The following NES variants were observed in gnomAD, a reference collection of about 807,000 sequenced individuals.
NES encodes the protein nestin.
A neutral mutation model predicts 35.6 loss-of-function variants in NES; 27 were observed. The ratio of observed to expected loss-of-function variants is 0.76; its 90% CI spans 0.56 to 1.04. NES has a LOEUF of 1.04. NES is among the 50% of genes least tolerant of loss of function. The pLI is 0.00. For synonymous variants in NES, 822 were observed against 824.2 expected (o/e 1.00, Z 0.04); for missense variants, 1,867 against 1,983.6 (o/e 0.94, Z 1.12).
Position 156,675,305 on chromosome 1 carries a change from G to T in NES, c.819C>A (p.Gly273=). Residue 273 remains glycine (G), a synonymous_variant, in exon 2 of 4, where the codon GGC becomes GGA. Coordinates refer to ENST00000368223, the MANE Select transcript of NES (RefSeq NM_006617.2). ...AVEALEQEKQ[G]LQSQIAQVLE... Reference sequence around the variant, plus strand: ...GGACCTGAGCGATCTGGCTCTGTAGGCCCTGTTTCTCCTGCTCCAGGGCCT... The same window carrying T: ...GGACCTGAGCGATCTGGCTCTGTAGTCCCTGTTTCTCCTGCTCCAGGGCCT... The T allele has an allele frequency of 6.2e-7, 1 of 1,613,068 alleles. No homozygotes were observed. The highest frequency in any genetic ancestry group is 8.5e-7 in the Non-Finnish European group (1 of 1,179,586).
At position 156,670,424 on chromosome 1, in the gene NES, G is replaced by A. The variant is rs1679691509; in HGVS notation, c.3764C>T (p.Ala1255Val). The A allele has an allele frequency of 3.2e-6, 5 of 1,566,122 alleles. No homozygotes were observed. The highest frequency in any genetic ancestry group is 4.3e-6 in the Non-Finnish European group (5 of 1,156,656). ...CTGCTCGCTCTCTACTTTCCCCAGG[G>A]CTTCAGCCCTCCCCTGCACCCCCCA... ...ASWGVQGRAE[A>V]LGKVESEQEE... Residue 1255 changes from alanine to valine, a missense_variant, in exon 4 of 4, where the codon GCC (alanine) becomes GTC (valine). Transcript: ENST00000368223.
At chr1:156,675,540 C>T (rs982023009) in intron 1 of NES, among the ~76,000 whole-genome samples, 200 bp from the exon 2 acceptor site, 2 of 152,198 alleles carry the variant, frequency 1.3e-5, no homozygotes, top group African/African-American at 4.8e-5. Flanking sequence ...CCCAGGGCCC[C>T]TGTCAGCACT....
chr1:156,676,689 G>A lies in NES; in HGVS notation c.576C>T (p.Gly192=). 3 of 1,488,094 alleles carry A rather than the reference G, an allele frequency of 2.0e-6. No individual in the cohort carries two copies. Among genetic ancestry groups the A allele is most frequent in the Non-Finnish European group, 2.7e-6 (3 of 1,131,372 alleles). The allele number at this position is 1,488,094 out of a possible 1,614,324, so 92.2% of individuals were successfully genotyped here. ...LGEAWRGAVR[G]YQERVAHMET... is the part of the protein sequence containing the mutation. Reference sequence around the variant, plus strand: ...CCATGTGTGCCACGCGCTCCTGGTAGCCGCGCACTGCCCCGCGCCACGCCT... The same window carrying A: ...CCATGTGTGCCACGCGCTCCTGGTAACCGCGCACTGCCCCGCGCCACGCCT... The change falls in exon 1 of 4, where the codon GGC becomes GGT. Residue 192 remains glycine, a synonymous_variant. Coordinates refer to ENST00000368223, the MANE Select transcript of NES (RefSeq NM_006617.2). This position sits in a 1 kb window ranked among gnomAD's most constrained non-coding sequence, Gnocchi z 5.3.
In NES at chr1:156,670,889, C is replaced by T. The variant is rs750150865; in HGVS notation, c.3299G>A (p.Gly1100Asp). 2.5e-5 allele frequency: 35 copies of T among 1,376,158 alleles called. No individual in the cohort carries two copies. The highest frequency in any genetic ancestry group is 3.3e-5 in the Non-Finnish European group (33 of 985,364). 85.2% of individuals were successfully genotyped at this position (1,376,158 alleles called of 1,614,324 possible). ...CAGCCCTCCCACCCCCTGCCCCGGGCCTGGCTCAGCTCCCGCAGCAGACTC... is the reference window on the plus strand; with the variant it reads ...CAGCCCTCCCACCCCCTGCCCCGGGTCTGGCTCAGCTCCCGCAGCAGACTC... ...MGESAAGAEP[G>D]PGQGVGGLGD... The change falls in exon 4 of 4, where the codon GGC becomes GAC. Residue 1100 changes from glycine (G) to aspartate (D), a missense_variant. Gly to Asp is a moderately conservative substitution (Grantham distance 94, BLOSUM62 -1). Transcript: ENST00000368223.
In NES at chr1:156,676,788, G is replaced by A. The variant is rs1394715434; in HGVS notation, c.477C>T (p.Pro159=). Residue 159 remains proline, a synonymous_variant, in exon 1 of 4, where the codon CCC becomes CCT. Transcript: ENST00000368223. This position sits in a 1 kb window ranked among gnomAD's most constrained non-coding sequence, Gnocchi z 5.3. ...VGLNAQAACA[P]RCPAPPRGPP... Reference sequence around the variant, plus strand: ...GCCCGCGGGGCGGCGCGGGGCAGCGGGGGGCACAGGCAGCCTGCGCGTTCA... The same window carrying A: ...GCCCGCGGGGCGGCGCGGGGCAGCGAGGGGCACAGGCAGCCTGCGCGTTCA... 3 of 1,392,566 alleles carry A rather than the reference G, an allele frequency of 2.2e-6. No homozygotes were observed. Among genetic ancestry groups the A allele is most frequent in the South Asian group, 1.6e-5 (1 of 60,842 alleles). 86.3% of individuals were successfully genotyped at this position (1,392,566 alleles called of 1,614,324 possible).
At position 156,669,685 on chromosome 1, in the gene NES, C is replaced by T. The variant is rs1679657575; in HGVS notation, c.4503G>A (p.Glu1501=). 1.9e-6 allele frequency: 3 copies of T among 1,614,062 alleles called. No individual in the cohort carries two copies. The highest frequency in any genetic ancestry group is 1.7e-6 in the Non-Finnish European group (2 of 1,179,942). Residue 1501 remains glutamate, a synonymous_variant, in exon 4 of 4, where the codon GAG becomes GAA. Transcript: ENST00000368223. ...DSAEPSGSEE[E]SDPVSLERED... ...CCCTCTCCAAGGAAACAGGGTCAGA[C>T]TCTTCCTCTGAGCCAGAAGGCTCAG... is the stretch of plus-strand genomic sequence containing the variant.
chr1:156,670,106 C>T lies in NES; in HGVS notation c.4082G>A (p.Arg1361His), dbSNP rs780998576. 2.5e-5 allele frequency: 40 copies of T among 1,613,896 alleles called. No individual in the cohort carries two copies. Among genetic ancestry groups the T allele is most frequent in the African/African-American group, 5.3e-5 (4 of 74,904 alleles). ...AAATTCTTCTGACAGGTCAGAGTCA[C>T]GGCCACACTCCTCTTCTCCCTCCTC... ...EGEEGEEECG[R>H]DSDLSEEFED... Residue 1361 changes from arginine to histidine, a missense_variant, in exon 4 of 4, where the codon CGT (arginine) becomes CAT (histidine). By Grantham distance (29) the Arg-to-His change is conservative. Coordinates refer to ENST00000368223, the MANE Select transcript of NES (RefSeq NM_006617.2).
Position 156,671,012 on chromosome 1 carries a change from A to C in NES, c.3176T>G (p.Leu1059Arg), listed in dbSNP as rs766201389. Residue 1059 changes from leucine (L) to arginine (R), a missense_variant, in exon 4 of 4, where the codon CTG (leucine) becomes CGG (arginine). Physicochemically the swap from Leu to Arg is moderately radical, Grantham distance 102 (BLOSUM62 -2). Coordinates refer to ENST00000368223, the MANE Select transcript of NES (RefSeq NM_006617.2). ...CACCAGGGGCTCTATCGCCTCTGGCAGCCCCTGGGGAGCCTGGAGGCCTGG... is the reference window on the plus strand; with the variant it reads ...CACCAGGGGCTCTATCGCCTCTGGCCGCCCCTGGGGAGCCTGGAGGCCTGG... ...GAPGLQAPQG[L>R]PEAIEPLVED... is the part of the protein sequence containing the mutation. 6.2e-7 allele frequency: 1 copy of C among 1,612,072 alleles called. No homozygotes were observed. The highest frequency in any genetic ancestry group is 1.1e-5 in the South Asian group (1 of 90,984).
Position 156,671,616 on chromosome 1 carries a change from CCT to C in NES, c.2570_2571del (p.Gln857ArgfsTer118), listed in dbSNP as rs1370054122. The C allele has an allele frequency of 2.5e-6, 4 of 1,613,856 alleles. No homozygotes were observed. The highest frequency in any genetic ancestry group is 3.4e-6 in the Non-Finnish European group (4 of 1,180,040). On this transcript the variant is annotated frameshift_variant, in exon 4 of 4. Transcript: ENST00000368223. LOFTEE classifies it low-confidence loss of function (END_TRUNC). Reference sequence around the variant, plus strand: ...TCCTTTTCTAGAGGATTCATTGCCCCCTGATTTATTTCTTCTGGAGTCCACAG... The same window carrying C: ...TCCTTTTCTAGAGGATTCATTGCCCCGATTTATTTCTTCTGGAGTCCACAG... The part of the protein sequence containing the change: ...APLWTPEEIN[Q>X]GAMNPLEKEI...
rs1679652817 is a variant in NES at position 156,669,501 on chromosome 1, C to G, written c.4687G>C (p.Val1563Leu). 3.7e-6 allele frequency: 6 copies of G among 1,612,846 alleles called. No individual in the cohort carries two copies. The highest frequency in any genetic ancestry group is 5.1e-6 in the Non-Finnish European group (6 of 1,179,210). The change falls in exon 4 of 4, where the codon GTG (valine) becomes CTG (leucine). Residue 1563 changes from valine (V) to leucine (L), a missense_variant. Physicochemically the swap from Val to Leu is conservative, Grantham distance 32. Transcript: ENST00000368223. ...GAGACTAGCGGCATTCCTTGCCCCA[C>G]TTCCTCAGACTGCTCCAGCCCGTTC... Reference protein sequence around the residue: ...VMNGLEQSEEVGQGMPLVSEG... With the variant: ...VMNGLEQSEELGQGMPLVSEG...
rs375556145 is a variant in NES, at chr1:156,670,797, C to T, written c.3391G>A (p.Ala1131Thr). The T allele has an allele frequency of 1.4e-5, 22 of 1,614,000 alleles. No individual in the cohort carries two copies. The African/African-American group carries it at 2.5e-4, about 19-fold the overall frequency. ...EPPLEEESLEAKRVQGLEGPR... is the reference protein window; with the variant it reads ...EPPLEEESLETKRVQGLEGPR... ...CCTTCCAAGCCCTGAACCCTCTTTGCCTCCAAACTCTCCTCTTCCAGGGGT... is the reference window on the plus strand; with the variant it reads ...CCTTCCAAGCCCTGAACCCTCTTTGTCTCCAAACTCTCCTCTTCCAGGGGT... The change falls in exon 4 of 4, where the codon GCA (alanine) becomes ACA (threonine). Residue 1131 changes from alanine to threonine, a missense_variant. By Grantham distance (58) the Ala-to-Thr change is moderately conservative. Transcript: ENST00000368223.
chr1:156,669,571 A>G lies in NES; in HGVS notation c.4617T>C (p.Gly1539=). 6.2e-7 allele frequency: 1 copy of G among 1,613,664 alleles called. No individual in the cohort carries two copies. Among genetic ancestry groups the G allele is most frequent in the Non-Finnish European group, 8.5e-7 (1 of 1,179,756 alleles). Residue 1539 remains glycine, a synonymous_variant, in exon 4 of 4, where the codon GGT becomes GGC. Transcript: ENST00000368223. ...GCTGTGACTTCCCCTCCAAGTTGGG[A>G]CCCTGGCCATTAACACCAATGATGT... ...GADIIGVNGQ[G]PNLEGKSQHV...
In NES at chr1:156,669,639, G is replaced by A. The variant is rs1335973592; in HGVS notation, c.4549C>T (p.Leu1517=). Residue 1517 remains leucine (L), a synonymous_variant, in exon 4 of 4, where the codon CTA becomes TTA. Transcript: ENST00000368223. ...TCCTCCATCCCACTGGGGATCTCTAGAGGGCCAGGGACTTTGTCCTCCCTC... is the reference window on the plus strand; with the variant it reads ...TCCTCCATCCCACTGGGGATCTCTAAAGGGCCAGGGACTTTGTCCTCCCTC... The part of the protein sequence containing the change: ...LEREDKVPGP[L]EIPSGMEDAG... 1.7e-5 allele frequency: 28 copies of A among 1,613,982 alleles called. No homozygotes were observed. Among genetic ancestry groups the A allele is most frequent in the Non-Finnish European group, 2.2e-5 (26 of 1,180,002 alleles).
chr1:156,675,487 T>A, intron 1 of NES, 147 bp from the exon 2 acceptor site: 1 of 921,130 alleles, frequency 1.1e-6, no homozygotes, highest in South Asian at 1.9e-5. Context: ...TCCCCTACCC[T>A]ATTCCCTGCC....
chr1:156,675,222 G>C lies in NES; in HGVS notation c.902C>G (p.Thr301Arg), dbSNP rs144117214. ...GACAGGGCTCGTCTCGTACCTGTAC[G>C]TGGCCACCTCCAGGCTGAGGGACAT... ...LKMSLSLEVA[T>R]YRTLLEAENS... Residue 301 changes from threonine to arginine, a missense_variant, in exon 2 of 4, where the codon ACG becomes AGG. Thr to Arg is a moderately conservative substitution (Grantham distance 71, BLOSUM62 -1). Coordinates refer to ENST00000368223, the MANE Select transcript of NES (RefSeq NM_006617.2). The C allele has an allele frequency of 1.2e-6, 2 of 1,613,318 alleles. No individual in the cohort carries two copies. Among genetic ancestry groups the C allele is most frequent in the East Asian group, 2.2e-5 (1 of 44,864 alleles).
rs78303930 is a variant in NES at position 156,670,593 on chromosome 1, C to A, written c.3595G>T (p.Ala1199Ser). The change falls in exon 4 of 4, where the codon GCC (alanine) becomes TCC (serine). Residue 1199 changes from alanine to serine, a missense_variant. By Grantham distance (99) the Ala-to-Ser change is moderately conservative. Transcript: ENST00000368223. ...GACCCCAGAGGCCAAGGTGAAGGGG[C>A]ATCACTTCCAGTGTGGCCCAGGGTC... ...AETLGHTGSDAPSPWPLGSEE... is the reference protein window; with the variant it reads ...AETLGHTGSDSPSPWPLGSEE... The A allele has an allele frequency of 6.2e-7, 1 of 1,613,700 alleles. No homozygotes were observed.
In NES at chr1:156,670,748, G is replaced by T; in HGVS notation, c.3440C>A (p.Ala1147Glu). The T allele has an allele frequency of 6.2e-7, 1 of 1,614,048 alleles. No homozygotes were observed. The highest frequency in any genetic ancestry group is 8.5e-7 in the Non-Finnish European group (1 of 1,179,974). ...LEGPRKDLEE[A>E]GGLGTEFSEL... is the part of the protein sequence containing the mutation. ...GGAGAACTCTGTCCCCAGACCACCTGCCTCCTCTAGGTCCTTTCTAGGCCC... is the reference window on the plus strand; with the variant it reads ...GGAGAACTCTGTCCCCAGACCACCTTCCTCCTCTAGGTCCTTTCTAGGCCC... Residue 1147 changes from alanine to glutamate, a missense_variant, in exon 4 of 4, where the codon GCA (alanine) becomes GAA (glutamate). Ala to Glu is a moderately radical substitution (Grantham distance 107). Transcript: ENST00000368223.
Position 156,672,236 on chromosome 1 carries a change from G to T in NES, c.1952C>A (p.Thr651Lys), listed in dbSNP as rs746512716. 1 of 1,596,752 alleles carries T rather than the reference G, an allele frequency of 6.3e-7. No homozygotes were observed. Among genetic ancestry groups the T allele is most frequent in the Non-Finnish European group, 8.5e-7 (1 of 1,174,902 alleles). ...AGAACTTACTAATTCTTGATTTTCCGTTCCTGGAAATAAAAATGTCTCTAG... is the reference window on the plus strand; with the variant it reads ...AGAACTTACTAATTCTTGATTTTCCTTTCCTGGAAATAAAAATGTCTCTAG... Reference protein sequence around the residue: ...GNLETFLFPGTENQELVSSLQ... With the variant: ...GNLETFLFPGKENQELVSSLQ... Residue 651 changes from threonine (T) to lysine (K), a missense_variant, in exon 4 of 4, where the codon ACG becomes AAG. Thr to Lys is a moderately conservative substitution (Grantham distance 78, BLOSUM62 -1). Coordinates refer to ENST00000368223, the MANE Select transcript of NES (RefSeq NM_006617.2).
Position 156,676,179 on chromosome 1 carries a change from A to C in NES, c.783+303T>G, listed in dbSNP as rs1437541913. Among the ~76,000 whole-genome samples, 1 of 152,234 alleles carries C rather than the reference A, an allele frequency of 6.6e-6. No homozygotes were observed. The highest frequency in any genetic ancestry group is 1.5e-5 in the Non-Finnish European group (1 of 68,040). On this transcript the variant is annotated intron_variant, in intron 1 of 3. Transcript: ENST00000368223. The surrounding 1 kb of genome is among the most constrained non-coding windows in gnomAD (Gnocchi z 5.3). ...CTCCTAGTAATACCAGAGCCTGGGA[A>C]GGGACCCGGAGCCCCGGTCATCATC...
Sources: gnomAD v4.1 joint callset for allele counts (sites outside exome capture counted in the v4.1 genomes callset) on GRCh38, gnomAD v4.1.1 for gene constraint, Gnocchi (gnomAD v3.1) non-coding constraint, MANE v1.5 for transcripts, NCBI Gene and HGNC (gene_info 2026-07-23, HGNC 2026-07-21) for gene names.